Variants in UGGT2 observed in about 807,000 individuals in gnomAD.
UGGT2 encodes the protein UDP-glucose:glycoprotein glucosyltransferase 2.
In UGGT2, 180 loss-of-function variants were observed where a neutral mutation model predicts 192.1. That is an observed-to-expected ratio of 0.94 (90% CI 0.83 to 1.06). The LOEUF (loss-of-function observed/expected upper bound fraction) is 1.06, where lower values mean the gene tolerates loss of function less well. UGGT2 is among the 50% of genes least tolerant of loss of function. The pLI, the probability that UGGT2 is intolerant of heterozygous loss-of-function variation, is 0.00. For synonymous variants in UGGT2, 580 were observed against 591.0 expected (o/e 0.98, Z 0.27); for missense variants, 1,849 against 1,795.7 (o/e 1.03, Z -0.54).
At chr13:95,831,532 A>C (rs1327691563) in intron 38 of UGGT2, among the ~76,000 whole-genome samples, 1 of 152,134 alleles carries the variant, frequency 6.6e-6, no homozygotes, top group Non-Finnish European at 1.5e-5. Context: ...ATTGATGGAC[A>C]GATTATTTCT....
Position 95,927,205 on chromosome 13 carries a change from T to A in UGGT2, c.2101+8A>T, listed in dbSNP as rs1338126201. On this transcript the variant is annotated splice_region_variant and intron_variant, in intron 18 of 38. Transcript: ENST00000376747. ...AAACATTTGTAGAACAGTATAGGATTATTTTACCTGATGTAGATATTAAAT... is the reference window on the plus strand; with the variant it reads ...AAACATTTGTAGAACAGTATAGGATAATTTTACCTGATGTAGATATTAAAT... 6.2e-7 allele frequency: 1 copy of A among 1,611,418 alleles called. No individual in the cohort carries two copies. The highest frequency in any genetic ancestry group is 2.2e-5 in the East Asian group (1 of 44,720).
chr13:95,838,052 A>G (rs1887494353), intron 36 of UGGT2, among the ~76,000 whole-genome samples: 1 of 152,214 alleles, frequency 6.6e-6, no homozygotes, highest in African/African-American at 2.4e-5. Flanking sequence ...TTTATGCAGA[A>G]AATCCCAAGA....
chr13:95,838,469 A>T (rs921131295), intron 36 of UGGT2, among the ~76,000 whole-genome samples: 6 of 152,192 alleles, frequency 3.9e-5, no homozygotes, highest in Non-Finnish European at 8.8e-5. Context: ...TTAGGGAAAA[A>T]GGAAAAGATC....
At chr13:95,933,848 A>G (rs2049371198) in intron 17 of UGGT2, among the ~76,000 whole-genome samples, 2 of 151,446 alleles carry the variant, frequency 1.3e-5, no homozygotes, top group African/African-American at 4.9e-5. Flanking sequence ...GGCCCAGCTA[A>G]TTTTTTTTTG....
At chr13:95,999,444 G>A in intron 5 of UGGT2, 137 bp from the exon 6 acceptor site, 1 of 743,246 alleles carries the variant, frequency 1.3e-6, no homozygotes, top group Non-Finnish European at 2.2e-6. Context: ...GAAAAATTTG[G>A]GGGTTGTTTA....
At chr13:95,834,676 C>T (rs180942594) in intron 37 of UGGT2, among the ~76,000 whole-genome samples, 26 of 152,270 alleles carry the variant, frequency 1.7e-4, no homozygotes, top group Admixed American at 1.6e-3. Context: ...ACGGGCTGAA[C>T]ACCAAAATTT....
intron 38 of UGGT2, among the ~76,000 whole-genome samples, chr13:95,819,753 C>G (rs1319131119): frequency 2.0e-5 from 3 of 152,172 alleles, no homozygotes; most frequent in Non-Finnish European, 4.4e-5. Flanking sequence ...AGGAAAACAT[C>G]AGTCTTCATT....
chr13:95,983,032 C>A (rs1022537660), intron 10 of UGGT2, among the ~76,000 whole-genome samples: 1 of 152,178 alleles, frequency 6.6e-6, no homozygotes, highest in Admixed American at 6.5e-5. Flanking sequence ...ATACCCAGGC[C>A]ACTTCTCCTT....
intron 38 of UGGT2, among the ~76,000 whole-genome samples, chr13:95,832,047 T>G (rs969243902): frequency 3.6e-5 from 5 of 139,398 alleles, no homozygotes; most frequent in African/African-American, 1.1e-4. Flanking sequence ...AAAGGAAAAC[T>G]TTTTTTTTTT....
At chr13:95,814,757 A>G (rs116273342) in intron 38 of UGGT2, among the ~76,000 whole-genome samples, 2,226 of 152,284 alleles carry the variant, frequency 0.015, 56 homozygotes, top group African/African-American at 0.051. Flanking sequence ...TTACTTTGAC[A>G]TTAACACCAG....
chr13:95,896,131 C>A (rs571755036), intron 22 of UGGT2, among the ~76,000 whole-genome samples: 10 of 152,178 alleles, frequency 6.6e-5, no homozygotes, highest in African/African-American at 1.7e-4. Flanking sequence ...TAATGATAAT[C>A]AGAAAACACG....
chr13:95,931,165 A>T (rs1250056597), intron 17 of UGGT2, among the ~76,000 whole-genome samples: 2 of 152,156 alleles, frequency 1.3e-5, no homozygotes, highest in Non-Finnish European at 2.9e-5. Flanking sequence ...TCCCTGAGCT[A>T]GCCACAAAAG....
At chr13:96,009,883 T>C (rs989980112) in intron 5 of UGGT2, among the ~76,000 whole-genome samples, 1 of 152,110 alleles carries the variant, frequency 6.6e-6, no homozygotes, top group African/African-American at 2.4e-5. Flanking sequence ...CCAAAAAGCA[T>C]ATAAAAATAT....
intron 9 of UGGT2, 104 bp downstream of exon 9, chr13:95,986,229 A>G (rs957330909): frequency 1.0e-5 from 8 of 785,200 alleles, no homozygotes; most frequent in South Asian, 3.2e-5. Context: ...TATATATACT[A>G]GAACTAATTG....
intron 2 of UGGT2, among the ~76,000 whole-genome samples, chr13:96,030,123 C>T (rs938900009): frequency 4.6e-5 from 7 of 152,140 alleles, no homozygotes; most frequent in African/African-American, 1.7e-4. Flanking sequence ...CATTCCATTC[C>T]GGTCTCTTCT....
chr13:95,839,260 C>T lies in UGGT2; in HGVS notation c.4285-2058G>A, dbSNP rs545256922. The stretch of plus-strand genomic sequence containing the variant: ...TATATATGGGTCTACTCTGTTGTCA[C>T]TTAGCTGATCTTTAGCTGATTATTT... On this transcript the variant is annotated intron_variant, in intron 36 of 38. Coordinates refer to ENST00000376747, the MANE Select transcript of UGGT2 (RefSeq NM_020121.4). 5.3e-5 allele frequency among the ~76,000 whole-genome samples: 8 copies of T among 152,236 alleles called. 1 individual carries two copies. Among genetic ancestry groups the T allele is most frequent in the African/African-American group, 1.9e-4 (8 of 41,568 alleles).
At chr13:96,048,996 T>A (rs905157325) in intron 1 of UGGT2, among the ~76,000 whole-genome samples, 11 of 152,098 alleles carry the variant, frequency 7.2e-5, no homozygotes, top group African/African-American at 2.7e-4. Flanking sequence ...GCCAGCATCA[T>A]CCTGATACCA....
chr13:96,006,242 C>A (rs2051970437), intron 5 of UGGT2, among the ~76,000 whole-genome samples: 3 of 151,976 alleles, frequency 2.0e-5, no homozygotes, highest in Admixed American at 6.6e-5. Context: ...TAAGAAGGAG[C>A]CAAATGGCAA....
intron 10 of UGGT2, among the ~76,000 whole-genome samples, chr13:95,978,290 A>G (rs1401957161): frequency 6.6e-6 from 1 of 152,196 alleles, no homozygotes; most frequent in African/African-American, 2.4e-5. Context: ...CCTGACGATT[A>G]GTGATGGTGA....
Sources: allele counts gnomAD v4.1 joint callset (sites outside exome capture counted in the v4.1 genomes callset), GRCh38; gene constraint gnomAD v4.1.1; transcripts MANE v1.5; gene names NCBI Gene and HGNC (gene_info 2026-07-23, HGNC 2026-07-21).